Variants in PAM observed in about 807,000 individuals in gnomAD.
PAM encodes peptidyl-glycine alpha-amidating monooxygenase.
PAM carries 72 observed loss-of-function variants against 122.1 expected under a neutral mutation model. The observed-to-expected ratio is 0.59, with a 90% CI of 0.49 to 0.72. The LOEUF (loss-of-function observed/expected upper bound fraction) is 0.72. PAM is among the 30% of genes least tolerant of loss of function. The pLI is 0.00. For synonymous variants in PAM, 389 were observed against 404.4 expected (o/e 0.96, Z 0.46); for missense variants, 1,106 against 1,183.7 (o/e 0.93, Z 0.96).
intron 1 of PAM, among the ~76,000 whole-genome samples, chr5:102,862,146 G>A (rs1784351273): frequency 6.7e-6 from 1 of 149,410 alleles, no homozygotes; most frequent in African/African-American, 2.5e-5. Flanking sequence ...CTCCAGCCTG[G>A]GTGACAAAGT....
chr5:102,821,590 C>T (rs960887176), intron 1 of PAM, among the ~76,000 whole-genome samples: 1 of 152,144 alleles, frequency 6.6e-6, no homozygotes, highest in Non-Finnish European at 1.5e-5. Flanking sequence ...TGGTTAATAA[C>T]CAACATTTAT....
rs1785549913 is a variant in PAM, at chr5:102,866,343, T to C, written c.89+59T>C. ...TGCTGTTGAGAAATGTAATCACTTT[T>C]ATGAACCTGAGTGTTGGCAAAATAG... On this transcript the variant is annotated intron_variant, in intron 2 of 25. Transcript: ENST00000438793. 6.1e-6 allele frequency: 7 copies of C among 1,147,880 alleles called. No individual in the cohort carries two copies. In the South Asian group the frequency reaches 6.2e-5, roughly 10 times the overall value. The allele number at this position is 1,147,880 out of a possible 1,614,324, so 71.1% of individuals were successfully genotyped here.
chr5:102,999,395 C>T (rs1776679876), intron 16 of PAM, among the ~76,000 whole-genome samples: 1 of 152,234 alleles, frequency 6.6e-6, no homozygotes, highest in South Asian at 2.1e-4. Flanking sequence ...TCACAGTTGG[C>T]ATTGAGTGTC....
At chr5:102,803,677 T>G (rs1324702114) in intron 1 of PAM, among the ~76,000 whole-genome samples, 1 of 152,172 alleles carries the variant, frequency 6.6e-6, no homozygotes, top group African/African-American at 2.4e-5. Flanking sequence ...CCTACCACAC[T>G]GGGTTCTTTA....
intron 18 of PAM, among the ~76,000 whole-genome samples, chr5:103,005,984 G>C (rs1778851946): frequency 1.3e-5 from 2 of 152,030 alleles, no homozygotes; most frequent in South Asian, 4.2e-4. Flanking sequence ...CCTCAGGCTG[G>C]AATGCAGTGG....
At position 102,802,991 on chromosome 5, in the gene PAM, T is replaced by C. The variant is rs562120606; in HGVS notation, c.-374+47643T>C. ...ATTAAAAAATTGCCAGGTGTGGTGG[T>C]GCATGCCAGTAGTCCCAGCTACTCG... On this transcript the variant is annotated intron_variant, in intron 1 of 25. Transcript: ENST00000438793. Among the ~76,000 whole-genome samples, 31 of 152,104 alleles carry C rather than the reference T, an allele frequency of 2.0e-4. No individual in the cohort carries two copies. In the South Asian group the frequency reaches 4.6e-3, roughly 22 times the overall value.
At chr5:102,866,566 G>GT (rs1170325691) in intron 2 of PAM, 1 of 418,596 alleles carries the variant, frequency 2.4e-6, no homozygotes, top group African/African-American at 2.1e-5. Flanking sequence ...TATTCGCTTA[G>GT]TTTTGAATGC....
At chr5:102,892,971 T>C (rs28411677) in intron 3 of PAM, among the ~76,000 whole-genome samples, 1 of 151,832 alleles carries the variant, frequency 6.6e-6, no homozygotes, top group Non-Finnish European at 1.5e-5. Flanking sequence ...TATTTTACTT[T>C]AAAAAATTGA....
intron 3 of PAM, among the ~76,000 whole-genome samples, chr5:102,884,263 A>T (rs754281400): frequency 6.6e-6 from 1 of 151,860 alleles, no homozygotes; most frequent in Non-Finnish European, 1.5e-5. Context: ...AAGAAAAAAC[A>T]ATATCACCAA....
At chr5:102,817,857 C>A (rs1032914582) in intron 1 of PAM, among the ~76,000 whole-genome samples, 6 of 151,860 alleles carry the variant, frequency 4.0e-5, no homozygotes, top group Admixed American at 3.3e-4. Flanking sequence ...GACTTTATTT[C>A]TCCCTATCAC....
intron 7 of PAM, among the ~76,000 whole-genome samples, chr5:102,943,692 T>C (rs554555995): frequency 1.3e-5 from 2 of 152,314 alleles, no homozygotes; most frequent in African/African-American, 4.8e-5. Context: ...TCTTTTTCCC[T>C]ATCCATAAAG....
intron 1 of PAM, among the ~76,000 whole-genome samples, chr5:102,847,331 C>T (rs770305564): frequency 2.0e-5 from 3 of 152,066 alleles, no homozygotes; most frequent in African/African-American, 2.4e-5. Flanking sequence ...CCCAGCTACT[C>T]GGGAGGCTGA....
intron 14 of PAM, among the ~76,000 whole-genome samples, chr5:102,972,168 AAC>A (rs1418263775): frequency 6.6e-6 from 1 of 152,140 alleles, no homozygotes; most frequent in South Asian, 2.1e-4. Context: ...GATTACCCTA[AAC>A]ACAGAGGTTG....
chr5:102,823,537 T>A (rs1772700081), intron 1 of PAM, among the ~76,000 whole-genome samples: 2 of 152,200 alleles, frequency 1.3e-5, no homozygotes, highest in South Asian at 4.1e-4. Flanking sequence ...CTTTCCTACA[T>A]CTGTGACTTG....
intron 1 of PAM, among the ~76,000 whole-genome samples, chr5:102,851,650 G>A (rs936893902): frequency 2.0e-5 from 3 of 152,122 alleles, no homozygotes; most frequent in Admixed American, 1.3e-4. Context: ...AAAGTTTTAG[G>A]AACAAGGAAA....
chr5:102,848,662 A>G (rs1332760904), intron 1 of PAM, among the ~76,000 whole-genome samples: 1 of 152,170 alleles, frequency 6.6e-6, no homozygotes, highest in East Asian at 1.9e-4. Context: ...AGCTGAAACA[A>G]TGTAGGGAGG....
chr5:102,847,895 A>G (rs1780344503), intron 1 of PAM, among the ~76,000 whole-genome samples: 1 of 152,196 alleles, frequency 6.6e-6, no homozygotes, highest in African/African-American at 2.4e-5. Context: ...CTTACAAAAC[A>G]TTATTTCTAT....
chr5:102,902,836 CAT>C (rs1240203769), intron 4 of PAM, among the ~76,000 whole-genome samples: 2 of 151,426 alleles, frequency 1.3e-5, no homozygotes, highest in Non-Finnish European at 3.0e-5. Context: ...ATATGGTAGT[CAT>C]GTGTTACAGC....
chr5:102,913,868 T>C, intron 4 of PAM, 66 bp from the exon 5 acceptor site: 1 of 884,982 alleles, frequency 1.1e-6, no homozygotes, highest in Non-Finnish European at 1.9e-6. Context: ...CAAAGATGTA[T>C]TTTATGACTT....
Sources: allele counts gnomAD v4.1 joint callset (sites outside exome capture counted in the v4.1 genomes callset), GRCh38; gene constraint gnomAD v4.1.1; transcripts MANE v1.5; gene names NCBI Gene and HGNC (gene_info 2026-07-23, HGNC 2026-07-21).